GNAL: variants seen among roughly 807,000 people sequenced by gnomAD.
GNAL encodes the protein guanine nucleotide-binding protein G(olf) subunit alpha.
GNAL carries 18 observed loss-of-function variants against 55.1 expected under a neutral mutation model. The ratio of observed to expected loss-of-function variants is 0.33; its 90% CI spans 0.23 to 0.48. GNAL has a LOEUF of 0.48. Among genes scored for constraint, GNAL ranks in the 20% least tolerant of loss-of-function variants. The pLI, the probability that GNAL is intolerant of heterozygous loss-of-function variation, is 0.99. For missense variants in GNAL, 412 were observed against 614.1 expected, an observed-to-expected ratio of 0.67 and a Z score of 3.48; for synonymous variants, 253 against 237.0, an observed-to-expected ratio of 1.07 and a Z score of -0.62.
intron 5 of GNAL, among the ~76,000 whole-genome samples, chr18:11,859,610 C>A (rs192495358): frequency 1.3e-5 from 2 of 152,230 alleles, no homozygotes; most frequent in Non-Finnish European, 2.9e-5. Context: ...AACTCACCAA[C>A]CTTCTGGTGC....
intron 5 of GNAL, among the ~76,000 whole-genome samples, chr18:11,850,694 A>T (rs2035836614): frequency 6.6e-6 from 1 of 152,244 alleles, no homozygotes; most frequent in Admixed American, 6.5e-5. Flanking sequence ...TCAAAAAGAC[A>T]GAATGGTGTC....
At chr18:11,878,630 C>T (rs1240642771) in intron 11 of GNAL, among the ~76,000 whole-genome samples, 2 of 152,134 alleles carry the variant, frequency 1.3e-5, no homozygotes, top group South Asian at 4.2e-4. Context: ...AGTGCAGTGG[C>T]AAGATCGTAG....
At chr18:11,863,900 A>G (rs3888795) in intron 6 of GNAL, among the ~76,000 whole-genome samples, 31,296 of 152,156 alleles carry the variant, frequency 0.21, 6,271 homozygotes, top group African/African-American at 0.52. Context: ...ACAGAGCACC[A>G]GCAGGGATGT....
At chr18:11,731,560 C>T (rs1292324362) in intron 1 of GNAL, among the ~76,000 whole-genome samples, 1 of 152,194 alleles carries the variant, frequency 6.6e-6, no homozygotes, top group Non-Finnish European at 1.5e-5. Flanking sequence ...CGAATATAGT[C>T]CTTGACAAAA....
chr18:11,835,980 A>G (rs950525487), intron 5 of GNAL, among the ~76,000 whole-genome samples: 1 of 152,046 alleles, frequency 6.6e-6, no homozygotes, highest in Admixed American at 6.6e-5. Context: ...CCTCGTCTCT[A>G]CAAATAATTT....
At chr18:11,843,480 G>A (rs796476905) in intron 5 of GNAL, among the ~76,000 whole-genome samples, 48 of 151,770 alleles carry the variant, frequency 3.2e-4, no homozygotes, top group African/African-American at 9.7e-4. Flanking sequence ...AGCTGAGATC[G>A]CACCACTGCA....
At chr18:11,831,870 G>C (rs770111567) in intron 5 of GNAL, among the ~76,000 whole-genome samples, 2 of 152,230 alleles carry the variant, frequency 1.3e-5, no homozygotes, top group Non-Finnish European at 2.9e-5. Flanking sequence ...GGGCCAGCCA[G>C]GTGGCACTGA....
chr18:11,847,469 T>C (rs1054199731), intron 5 of GNAL, among the ~76,000 whole-genome samples: 5 of 152,076 alleles, frequency 3.3e-5, no homozygotes. Flanking sequence ...CTGAATGTCC[T>C]GCTTAAATAT....
intron 4 of GNAL, among the ~76,000 whole-genome samples, chr18:11,755,754 T>C (rs2033033513): frequency 6.6e-6 from 1 of 152,066 alleles, no homozygotes; most frequent in Non-Finnish European, 1.5e-5. Flanking sequence ...ACTGGATGGC[T>C]TGGAGAGGGC....
At chr18:11,805,126 T>C (rs4797580) in intron 4 of GNAL, among the ~76,000 whole-genome samples, 62,471 of 106,748 alleles carry the variant, frequency 0.59, 23,679 homozygotes, top group Admixed American at 0.78. Flanking sequence ...CATGGAGATA[T>C]TGTGTAGTGG....
intron 4 of GNAL, among the ~76,000 whole-genome samples, chr18:11,768,318 A>G (rs2033476452): frequency 6.6e-6 from 1 of 152,214 alleles, no homozygotes; most frequent in South Asian, 2.1e-4. Context: ...TATAATGTAT[A>G]GGCCGGGCAC....
At chr18:11,845,029 C>T (rs780251619) in intron 5 of GNAL, among the ~76,000 whole-genome samples, 2 of 152,084 alleles carry the variant, frequency 1.3e-5, no homozygotes, top group Non-Finnish European at 2.9e-5. Flanking sequence ...CCACACCCGG[C>T]TGATTTTTGT....
chr18:11,863,059 A>G (rs2036184314), intron 6 of GNAL, among the ~76,000 whole-genome samples: 1 of 151,978 alleles, frequency 6.6e-6, no homozygotes, highest in African/African-American at 2.4e-5. Flanking sequence ...TTGTATTTTT[A>G]GTGGAGACAG....
In GNAL at chr18:11,851,480, C is replaced by G. The variant is rs1449820469; in HGVS notation, c.723-10915C>G. On this transcript the variant is annotated intron_variant, in intron 5 of 11. Transcript: ENST00000334049. ...TCTCTGCCTTCGGCGCGCTTCTCAG[C>G]CGGGCCGCCGACCCAAAGGAGCCGT... 13 of 1,504,004 alleles carry G rather than the reference C, an allele frequency of 8.6e-6. No individual in the cohort carries two copies. In the South Asian group the frequency reaches 1.7e-4, roughly 20 times the overall value. The allele number at this position is 1,504,004 out of a possible 1,614,324, so 93.2% of individuals were successfully genotyped here.
chr18:11,835,410 C>T (rs2035477618), intron 5 of GNAL, among the ~76,000 whole-genome samples: 1 of 150,410 alleles, frequency 6.6e-6, no homozygotes, highest in African/African-American at 2.4e-5. Context: ...GAGGTTCACT[C>T]GAGCCTAGGA....
intron 4 of GNAL, among the ~76,000 whole-genome samples, chr18:11,823,500 C>G (rs1029707582): frequency 6.6e-6 from 1 of 152,232 alleles, no homozygotes; most frequent in African/African-American, 2.4e-5. Flanking sequence ...TACCTCACTT[C>G]TACTCCCCTT....
At chr18:11,769,849 A>C (rs1032189709) in intron 4 of GNAL, among the ~76,000 whole-genome samples, 3 of 152,202 alleles carry the variant, frequency 2.0e-5, no homozygotes, top group African/African-American at 7.2e-5. Context: ...ACACACACAC[A>C]TGCACACACA....
At chr18:11,739,260 C>G (rs1053304768) in intron 1 of GNAL, among the ~76,000 whole-genome samples, 1 of 152,220 alleles carries the variant, frequency 6.6e-6, no homozygotes, top group East Asian at 1.9e-4. Context: ...CACCCAGGTT[C>G]GCCTCTTGTT....
chr18:11,776,148 A>C (rs1454497015), intron 4 of GNAL, among the ~76,000 whole-genome samples: 1 of 152,188 alleles, frequency 6.6e-6, no homozygotes, highest in Admixed American at 6.5e-5. Context: ...TCCAGTGCAA[A>C]TCTGACTCTG....
Sources: gnomAD v4.1 joint callset for allele counts (sites outside exome capture counted in the v4.1 genomes callset) on GRCh38, gnomAD v4.1.1 for gene constraint, MANE v1.5 for transcripts, NCBI Gene and HGNC (gene_info 2026-07-23, HGNC 2026-07-21) for gene names.